GPHN: variants seen among roughly 807,000 people sequenced by gnomAD.
GPHN encodes gephyrin.
A neutral mutation model predicts 95.5 loss-of-function variants in GPHN; 17 were observed. The ratio of observed to expected loss-of-function variants is 0.18; its 90% CI spans 0.12 to 0.27. The LOEUF is 0.27. Among genes scored for constraint, GPHN ranks in the 10% least tolerant of loss-of-function variants. The pLI, the probability that GPHN is intolerant of heterozygous loss-of-function variation, is 1.00. For synonymous variants in GPHN, 320 were observed against 322.5 expected, an observed-to-expected ratio of 0.99 and a Z score of 0.08; for missense variants, 660 against 978.1, an observed-to-expected ratio of 0.67 and a Z score of 4.34.
the GPHN span, chr14:67,221,813 G>C: frequency 6.2e-7 from 1 of 1,612,664 alleles, no homozygotes; most frequent in Non-Finnish European, 8.5e-7. Flanking sequence ...TTCAGGTATG[G>C]AACAAATTCC....
intron 8 of GPHN, among the ~76,000 whole-genome samples, chr14:66,928,339 T>A (rs1171293109): frequency 6.6e-6 from 1 of 152,220 alleles, no homozygotes; most frequent in Non-Finnish European, 1.5e-5. Flanking sequence ...TAGTCTGTAA[T>A]GATACTTTGA....
intron 1 of GPHN, among the ~76,000 whole-genome samples, chr14:66,527,919 G>A (rs900939388): frequency 2.6e-5 from 4 of 152,168 alleles, no homozygotes; most frequent in Non-Finnish European, 5.9e-5. Flanking sequence ...GTGTGATGTG[G>A]TCCTGAGAAG....
At chr14:66,623,017 G>A (rs2063370699) in intron 1 of GPHN, among the ~76,000 whole-genome samples, 1 of 152,056 alleles carries the variant, frequency 6.6e-6, no homozygotes, top group African/African-American at 2.4e-5. Flanking sequence ...CCATTTTCAT[G>A]CTGCTGATAA....
intron 2 of GPHN, chr14:66,760,668 C>T (rs1434333234): frequency 9.4e-6 from 4 of 425,056 alleles, no homozygotes; most frequent in Non-Finnish European, 1.8e-5. Context: ...AAGCATAATC[C>T]TCGCAAAGTT....
chr14:67,574,284 C>A, the GPHN span: 2 of 1,608,792 alleles, frequency 1.2e-6, no homozygotes. The surrounding 1 kb of genome is among the most constrained non-coding windows in gnomAD (Gnocchi z 4.2). Context: ...GGCCGATTCA[C>A]CCAGCCTGCT....
At chr14:67,669,082 AC>A in the GPHN span, among the ~76,000 whole-genome samples, 1 of 152,126 alleles carries the variant, frequency 6.6e-6, no homozygotes, top group Admixed American at 6.5e-5. Context: ...TTTACTCCTC[AC>A]AAAAACCCTG....
intron 1 of GPHN, among the ~76,000 whole-genome samples, chr14:66,654,784 C>T (rs1217120278): frequency 6.6e-6 from 1 of 152,058 alleles, no homozygotes; most frequent in African/African-American, 2.4e-5. Context: ...TAGTTTTACA[C>T]TTCATATTTA....
At chr14:67,573,913 T>C in the GPHN span, 1 of 1,548,588 alleles carries the variant, frequency 6.5e-7, no homozygotes, top group Non-Finnish European at 8.9e-7. This position sits in a 1 kb window ranked among gnomAD's most constrained non-coding sequence, Gnocchi z 4.8. Flanking sequence ...GCTGCTAGTA[T>C]TTTAAACAGA....
the GPHN span, chr14:67,340,201 A>T: frequency 2.2e-6 from 1 of 448,786 alleles, no homozygotes; most frequent in Non-Finnish European, 4.0e-6. Context: ...AAAAAATCAA[A>T]CCTAAACAGT....
intron 2 of GPHN, among the ~76,000 whole-genome samples, chr14:66,687,576 G>A (rs2067470235): frequency 1.4e-5 from 2 of 141,926 alleles, no homozygotes; most frequent in African/African-American, 2.6e-5. Flanking sequence ...GCAACCTCTC[G>A]CCTCCTGGGT....
chr14:67,265,378 G>A, the GPHN span, among the ~76,000 whole-genome samples: 3 of 151,862 alleles, frequency 2.0e-5, no homozygotes, highest in Non-Finnish European at 2.9e-5. Context: ...GCAACATACT[G>A]AGACTCTGTC....
chr14:67,113,245 T>G lies in GPHN; in HGVS notation c.1626+74T>G, dbSNP rs553626660. On this transcript the variant is annotated intron_variant, in intron 16 of 22. Coordinates refer to ENST00000478722, the MANE Select transcript of GPHN (RefSeq NM_020806.5). ...AGGTATTTCTGACATATGTTCTGTG[T>G]TGTAAATAGAATGTTGTAGATTATA... is the stretch of plus-strand genomic sequence containing the variant. 16 of 1,289,692 alleles carry G rather than the reference T, an allele frequency of 1.2e-5. No homozygotes were observed. The South Asian group carries it at 1.9e-4, about 15-fold the overall frequency. The allele number at this position is 1,289,692 out of a possible 1,614,324, so 79.9% of individuals were successfully genotyped here.
chr14:67,607,448 C>A, the GPHN span, among the ~76,000 whole-genome samples: 1 of 152,116 alleles, frequency 6.6e-6, no homozygotes, highest in Non-Finnish European at 1.5e-5. Flanking sequence ...CTCACTGCAA[C>A]CTCTGCCTCC....
the GPHN span, chr14:67,692,933 C>T: frequency 1.3e-6 from 2 of 1,599,894 alleles, no homozygotes; most frequent in Non-Finnish European, 1.7e-6. Flanking sequence ...GGTGAACTTG[C>T]CTCTCTGAGC....
chr14:66,723,018 C>G (rs952199957), intron 2 of GPHN, among the ~76,000 whole-genome samples: 14 of 152,124 alleles, frequency 9.2e-5, no homozygotes, highest in African/African-American at 2.9e-4. Flanking sequence ...CATTCTACTT[C>G]CCTTGAATAC....
At chr14:66,905,203 A>G (rs1209165478) in intron 5 of GPHN, among the ~76,000 whole-genome samples, 1 of 152,018 alleles carries the variant, frequency 6.6e-6, no homozygotes, top group African/African-American at 2.4e-5. Flanking sequence ...GATCCATTCT[A>G]CTGTTGAGAG....
chr14:66,684,065 T>C (rs2067178362), intron 2 of GPHN, among the ~76,000 whole-genome samples: 1 of 152,158 alleles, frequency 6.6e-6, no homozygotes, highest in Non-Finnish European at 1.5e-5. Context: ...TGTATACATG[T>C]CATTTTAATA....
At chr14:66,766,668 G>GA (rs2058972352) in intron 2 of GPHN, among the ~76,000 whole-genome samples, 2 of 151,828 alleles carry the variant, frequency 1.3e-5, no homozygotes, top group Admixed American at 1.3e-4. Flanking sequence ...AACAATATTT[G>GA]AAAAAATACT....
chr14:67,405,040 C>T, the GPHN span, among the ~76,000 whole-genome samples: 1 of 151,342 alleles, frequency 6.6e-6, no homozygotes, highest in Non-Finnish European at 1.5e-5. Context: ...TCAAGACCAC[C>T]GTGGCCAACA....
Sources: gnomAD v4.1 joint callset for allele counts (sites outside exome capture counted in the v4.1 genomes callset) on GRCh38, gnomAD v4.1.1 for gene constraint, Gnocchi (gnomAD v3.1) non-coding constraint, MANE v1.5 for transcripts, NCBI Gene and HGNC (gene_info 2026-07-23, HGNC 2026-07-21) for gene names.